CRADD: variants seen among roughly 807,000 people sequenced by gnomAD.
CRADD encodes the protein death domain-containing protein CRADD.
A neutral mutation model predicts 15.5 loss-of-function variants in CRADD; 9 were observed. The ratio of observed to expected loss-of-function variants is 0.58; its 90% CI spans 0.35 to 1.01. The LOEUF is 1.01. Ranked by LOEUF, CRADD falls within the 50% of genes least tolerant of loss-of-function variation. CRADD has a pLI of 0.02. For synonymous variants in CRADD, 118 were observed against 107.6 expected (o/e 1.10, Z -0.60); for missense variants, 227 against 250.3 (o/e 0.91, Z 0.63).
chr12:93,851,873 C>T (rs899853241), downstream of CRADD, among the ~76,000 whole-genome samples: 5 of 152,144 alleles, frequency 3.3e-5, no homozygotes, highest in African/African-American at 9.7e-5. Context: ...GAATTGAGCA[C>T]GAAGTGGGTA....
At chr12:93,683,959 C>T (rs893387024) in intron 2 of CRADD, among the ~76,000 whole-genome samples, 8 of 152,150 alleles carry the variant, frequency 5.3e-5, no homozygotes, top group Non-Finnish European at 7.4e-5. Context: ...TGCCTAGTGG[C>T]GTCCTGTGTG....
chr12:93,840,924 T>C (rs1266913162), intron 2 of CRADD, among the ~76,000 whole-genome samples: 1 of 152,186 alleles, frequency 6.6e-6, no homozygotes, highest in African/African-American at 2.4e-5. Flanking sequence ...TGCATCCTTG[T>C]CTTTTTAAAG....
At chr12:93,854,723 C>T (rs1436958285), downstream of CRADD, among the ~76,000 whole-genome samples, 1 of 152,152 alleles carries the variant, frequency 6.6e-6, no homozygotes, top group Non-Finnish European at 1.5e-5. Flanking sequence ...ACATCCTTTG[C>T]CCAGCTCCTT....
intron 2 of CRADD, among the ~76,000 whole-genome samples, chr12:93,865,151 T>TCCGGTGAGGAGGTCTTGCTATGGG (rs1470073605): frequency 2.6e-5 from 4 of 152,104 alleles, no homozygotes; most frequent in Admixed American, 1.3e-4. Flanking sequence ...CATCCCAAGC[T>TCCGGTGAGGAGGTCTTGCTATGGG]CCGGTGAGGA....
chr12:93,739,917 CT>C (rs1222521911), intron 2 of CRADD, among the ~76,000 whole-genome samples: 3 of 152,092 alleles, frequency 2.0e-5, no homozygotes, highest in Non-Finnish European at 4.4e-5. Flanking sequence ...TACCAATCAC[CT>C]TCTTTAATTA....
intron 2 of CRADD, among the ~76,000 whole-genome samples, chr12:93,796,165 A>C (rs956314554): frequency 2.0e-5 from 3 of 152,048 alleles, no homozygotes; most frequent in African/African-American, 4.8e-5. Context: ...TTCAGGTAAT[A>C]TATCTTAAGG....
At chr12:93,885,201 C>T (rs1023795287) in intron 2 of CRADD, among the ~76,000 whole-genome samples, 1 of 152,148 alleles carries the variant, frequency 6.6e-6, no homozygotes, top group African/African-American at 2.4e-5. Flanking sequence ...TTAAATTCAG[C>T]CATAGTGGTC....
At chr12:93,770,803 G>C (rs1036095956) in intron 2 of CRADD, among the ~76,000 whole-genome samples, 2 of 152,170 alleles carry the variant, frequency 1.3e-5, no homozygotes, top group East Asian at 1.9e-4. Flanking sequence ...GATTAGAACA[G>C]CTTAGAACAG....
intron 2 of CRADD, among the ~76,000 whole-genome samples, chr12:93,680,840 G>A (rs990177774): frequency 6.6e-6 from 1 of 152,044 alleles, no homozygotes; most frequent in African/African-American, 2.4e-5. Context: ...GGTCATTTTG[G>A]GTGATACAGA....
intron 2 of CRADD, among the ~76,000 whole-genome samples, chr12:93,713,174 C>T (rs1956104353): frequency 6.6e-6 from 1 of 152,104 alleles, no homozygotes; most frequent in South Asian, 2.1e-4. Flanking sequence ...CTCCTTCCCA[C>T]CACTTCAAAA....
chr12:93,858,844 G>C (rs1593049212), intron 2 of CRADD, among the ~76,000 whole-genome samples: 1 of 152,370 alleles, frequency 6.6e-6, no homozygotes, highest in East Asian at 1.9e-4. Context: ...AAGGAATGCT[G>C]CATGGAGAGG....
In CRADD at chr12:93,839,591, G is replaced by C. The variant is rs114028294; in HGVS notation, c.299-10379G>C. On this transcript the variant is annotated intron_variant, in intron 2 of 2. Transcript: ENST00000332896. ...CGGTGAACAACGTTCTCTACATCAC[G>C]TCCCAGCCTAAGCTTGGTATTGTCT... Among the ~76,000 whole-genome samples the C allele has an allele frequency of 2.6e-3, 393 of 152,220 alleles. 4 individuals are homozygous for C. Among genetic ancestry groups the C allele is most frequent in the East Asian group, 0.016 (85 of 5,176 alleles).
At chr12:93,696,086 G>A (rs535854868) in intron 2 of CRADD, among the ~76,000 whole-genome samples, 11 of 152,282 alleles carry the variant, frequency 7.2e-5, no homozygotes, top group Admixed American at 5.9e-4. Flanking sequence ...AATATGAAAG[G>A]TAACAAGTAC....
At chr12:93,707,245 G>A (rs2136851131) in intron 2 of CRADD, among the ~76,000 whole-genome samples, 1 of 152,192 alleles carries the variant, frequency 6.6e-6, no homozygotes, top group Admixed American at 6.5e-5. Flanking sequence ...TTCTGTTTCT[G>A]TTTTTTGCTT....
chr12:93,749,996 T>C (rs1956811715), intron 2 of CRADD, among the ~76,000 whole-genome samples: 1 of 152,190 alleles, frequency 6.6e-6, no homozygotes, highest in Admixed American at 6.5e-5. Context: ...AGGGGCAAGA[T>C]CTCCTGGGCT....
chr12:93,744,883 G>A (rs959860781), intron 2 of CRADD, among the ~76,000 whole-genome samples: 1 of 152,084 alleles, frequency 6.6e-6, no homozygotes, highest in African/African-American at 2.4e-5. Flanking sequence ...TATCACAATA[G>A]ATCAGTTTCT....
chr12:93,735,989 G>A (rs1049377344), intron 2 of CRADD, among the ~76,000 whole-genome samples: 9 of 151,810 alleles, frequency 5.9e-5, no homozygotes, highest in Non-Finnish European at 7.4e-5. Context: ...CCCTGGAGGC[G>A]GAGGTTGCAG....
At chr12:93,847,517 A>C (rs1173796080) in intron 2 of CRADD, among the ~76,000 whole-genome samples, 6 of 139,270 alleles carry the variant, frequency 4.3e-5, no homozygotes, top group Non-Finnish European at 7.5e-5. Context: ...AAAAAAAAAA[A>C]AAAACCTCCC....
At chr12:93,879,855 T>C (rs186237999) in intron 2 of CRADD, among the ~76,000 whole-genome samples, 92 of 152,324 alleles carry the variant, frequency 6.0e-4, no homozygotes, top group Non-Finnish European at 1.0e-3. Context: ...ACTTCGACTA[T>C]CTTGTCAAGC....
Sources: allele counts gnomAD v4.1 joint callset (sites outside exome capture counted in the v4.1 genomes callset), GRCh38; gene constraint gnomAD v4.1.1; transcripts MANE v1.5; gene names NCBI Gene and HGNC (gene_info 2026-07-23, HGNC 2026-07-21).